HEATR3: variants seen among roughly 807,000 people sequenced by gnomAD.
The protein encoded by HEATR3 is HEAT repeat containing 3.
In HEATR3, 56 loss-of-function variants were observed where a neutral mutation model predicts 72.8. The observed-to-expected ratio is 0.77, with a 90% CI of 0.62 to 0.96. The LOEUF (loss-of-function observed/expected upper bound fraction) is 0.96. HEATR3 is among the 40% of genes least tolerant of loss of function. The pLI is 0.00. For synonymous variants in HEATR3, 331 were observed against 318.1 expected (o/e 1.04, Z -0.43); for missense variants, 747 against 831.4 (o/e 0.90, Z 1.25).
At position 50,094,784 on chromosome 16, in the gene HEATR3, C is replaced by T. The variant is rs147673566; in HGVS notation, c.1590C>T (p.Asn530=). The T allele has an allele frequency of 8.4e-5, 133 of 1,591,692 alleles. 1 individual carries two copies. The African/African-American group carries it at 1.7e-3, about 20-fold the overall frequency. Residue 530 remains asparagine, a synonymous_variant, in exon 12 of 15, where the codon AAC becomes AAT. Coordinates refer to ENST00000299192, the MANE Select transcript of HEATR3 (RefSeq NM_182922.4). ...RALLQTMASK[N]ISQCMTPDQL... ...TTTTGCAAACAATGGCCTCCAAGAA[C>T]ATTTCCCAGGTAAGAGTTTTAAAAT...
At chr16:50,072,828 A>G in intron 5 of HEATR3, 114 bp downstream of exon 5, 1 of 700,646 alleles carries the variant, frequency 1.4e-6, no homozygotes, top group South Asian at 1.6e-5. Context: ...GTTGTATGTG[A>G]ATGTGTAGCT....
intron 4 of HEATR3, among the ~76,000 whole-genome samples, chr16:50,070,595 G>C (rs761611875): frequency 8.6e-5 from 13 of 152,038 alleles, no homozygotes; most frequent in Non-Finnish European, 1.8e-4. Context: ...CCAGCTACTC[G>C]GGAGGCTGAG....
chr16:50,080,033 G>A (rs954489824), intron 7 of HEATR3: 2 of 152,692 alleles, frequency 1.3e-5, no homozygotes, highest in African/African-American at 4.8e-5. Flanking sequence ...AAGCAGGTTA[G>A]TGTTTGGAGA....
At position 50,106,528 on chromosome 16, in the gene HEATR3, G is replaced by A. The variant is rs184597084; in HGVS notation, c.*1467G>A. The A allele has an allele frequency of 1.2e-4, 19 of 152,216 alleles. No homozygotes were observed. The East Asian group carries it at 2.5e-3, about 20-fold the overall frequency. The allele number at this position is 152,216 out of a possible 1,614,324, so 9.4% of individuals were successfully genotyped here. A position where few individuals can be genotyped will look rare whatever the true frequency, so the allele number is the denominator to read the frequency against. ...TGAGACATTAAAAAAATGACAGCAC[G>A]ACTTTGCAGCATTACCTCTCAGTGT... On this transcript the variant is annotated 3_prime_UTR_variant, in exon 15 of 15. Coordinates refer to ENST00000299192, the MANE Select transcript of HEATR3 (RefSeq NM_182922.4).
chr16:50,086,114 A>G, intron 10 of HEATR3, 101 bp from the exon 11 acceptor site: 1 of 1,089,998 alleles, frequency 9.2e-7, no homozygotes, highest in East Asian at 2.6e-5. Context: ...GTATTTACAG[A>G]TATTTCCAGT....
At chr16:50,093,735 G>A (rs569457856) in intron 11 of HEATR3, among the ~76,000 whole-genome samples, 19 of 152,294 alleles carry the variant, frequency 1.2e-4, no homozygotes, top group South Asian at 4.2e-4. Flanking sequence ...GGGTTGTCAG[G>A]AAGAACACCC....
chr16:50,099,357 C>T (rs1467461954), intron 12 of HEATR3, among the ~76,000 whole-genome samples: 1 of 152,176 alleles, frequency 6.6e-6, no homozygotes, highest in African/African-American at 2.4e-5. Flanking sequence ...ATAATCCTAA[C>T]ACTTTGGGAG....
chr16:50,084,533 C>G, intron 9 of HEATR3, 36 bp from the exon 10 acceptor site: 1 of 1,435,034 alleles, frequency 7.0e-7, no homozygotes. Flanking sequence ...AATGACTACT[C>G]TTTAACCTTT....
intron 11 of HEATR3, among the ~76,000 whole-genome samples, chr16:50,091,873 CA>C (rs1157532465): frequency 0.065 from 4,055 of 62,492 alleles, 53 homozygotes; most frequent in Middle Eastern, 0.085. Context: ...GACTCTGTCT[CA>C]AAAAAAAAAA....
chr16:50,105,984 A>G lies in HEATR3; in HGVS notation c.*923A>G, dbSNP rs1172122993. On this transcript the variant is annotated 3_prime_UTR_variant, in exon 15 of 15. Transcript: ENST00000299192. ...CAAAGAGTGGAAGAGTGGAAGTGCGAAGGAATCTCAGGTAGCTCTTAACTA... is the reference window on the plus strand; with the variant it reads ...CAAAGAGTGGAAGAGTGGAAGTGCGGAGGAATCTCAGGTAGCTCTTAACTA... 1 of 152,200 alleles carries G rather than the reference A, an allele frequency of 6.6e-6. No individual in the cohort carries two copies. Among genetic ancestry groups the G allele is most frequent in the Non-Finnish European group, 1.5e-5 (1 of 68,032 alleles). The allele number at this position is 152,200 out of a possible 1,614,324, so 9.4% of individuals were successfully genotyped here.
chr16:50,083,809 T>C (rs2036923588), intron 7 of HEATR3, 128 bp from the exon 8 acceptor site: 1 of 704,864 alleles, frequency 1.4e-6, no homozygotes, highest in African/African-American at 1.8e-5. Flanking sequence ...TTCTTTTACC[T>C]ACCCCATTCC....
chr16:50,097,788 G>A (rs371451307), intron 12 of HEATR3, among the ~76,000 whole-genome samples: 32 of 152,134 alleles, frequency 2.1e-4, no homozygotes, highest in African/African-American at 7.0e-4. Flanking sequence ...GGTGGCACGC[G>A]CCTGTAATCC....
rs753575713 is a variant in HEATR3, at chr16:50,066,090, G to A, written c.-42G>A. Reference sequence around the variant, plus strand: ...GCGGCAGCCTCCACCGCCTGCTGTTGCCCTCCTCTCTCGGTGGTCTGTCCG... The same window carrying A: ...GCGGCAGCCTCCACCGCCTGCTGTTACCCTCCTCTCTCGGTGGTCTGTCCG... On this transcript the variant is annotated 5_prime_UTR_variant, in exon 1 of 15. Coordinates refer to ENST00000299192, the MANE Select transcript of HEATR3 (RefSeq NM_182922.4). 4 of 1,554,398 alleles carry A rather than the reference G, an allele frequency of 2.6e-6. No individual in the cohort carries two copies. The highest frequency in any genetic ancestry group is 2.4e-5 in the East Asian group (1 of 42,082).
At chr16:50,071,657 A>G (rs145887002) in intron 4 of HEATR3, among the ~76,000 whole-genome samples, 36 of 152,292 alleles carry the variant, frequency 2.4e-4, no homozygotes, top group African/African-American at 8.2e-4. Context: ...TCCTGACTAG[A>G]CTGTGGGCTC....
At position 50,105,367 on chromosome 16, in the gene HEATR3, G is replaced by A; in HGVS notation, c.*306G>A. On this transcript the variant is annotated 3_prime_UTR_variant, in exon 15 of 15. Transcript: ENST00000299192. Reference sequence around the variant, plus strand: ...ATCCCAGCTACTCGGGAGGCTGAGGGAGGAGAGTCGGTTGAACCTGGGAGA... The same window carrying A: ...ATCCCAGCTACTCGGGAGGCTGAGGAAGGAGAGTCGGTTGAACCTGGGAGA... The A allele has an allele frequency of 3.4e-6, 1 of 293,514 alleles. No homozygotes were observed. The highest frequency in any genetic ancestry group is 6.4e-6 in the Non-Finnish European group (1 of 155,500). The allele number at this position is 293,514 out of a possible 1,614,324, so 18.2% of individuals were successfully genotyped here. A position where few individuals can be genotyped will look rare whatever the true frequency, so the allele number is the denominator to read the frequency against.
At position 50,078,728 on chromosome 16, in the gene HEATR3, G is replaced by A. The variant is rs1003231934; in HGVS notation, c.764-13G>A. The A allele has an allele frequency of 2.5e-6, 4 of 1,601,920 alleles. No homozygotes were observed. The highest frequency in any genetic ancestry group is 3.4e-6 in the Non-Finnish European group (4 of 1,174,780). On this transcript the variant is annotated splice_polypyrimidine_tract_variant and intron_variant, in intron 6 of 14. Transcript: ENST00000299192. ...ACAGGCATTTCTTATCCTTATGCTT[G>A]TTTTTTTCCCAGGCACAATTTGGAA...
intron 2 of HEATR3, among the ~76,000 whole-genome samples, chr16:50,067,543 CA>C (rs1286706854): frequency 9.2e-5 from 14 of 152,048 alleles, no homozygotes; most frequent in Admixed American, 7.9e-4. Context: ...CTGAGAAGAG[CA>C]GGGGTGGGTA....
intron 11 of HEATR3, among the ~76,000 whole-genome samples, chr16:50,087,971 A>C (rs749875129): frequency 6.6e-6 from 1 of 152,146 alleles, no homozygotes; most frequent in Non-Finnish European, 1.5e-5. Flanking sequence ...TACTAAAAAT[A>C]CAAAAATTAG....
At chr16:50,092,901 A>G (rs935312043) in intron 11 of HEATR3, among the ~76,000 whole-genome samples, 1 of 152,180 alleles carries the variant, frequency 6.6e-6, no homozygotes, top group African/African-American at 2.4e-5. Context: ...GCTATGAAGA[A>G]AAAAGTAAAA....
Sources: gnomAD v4.1 joint callset for allele counts (sites outside exome capture counted in the v4.1 genomes callset) on GRCh38, gnomAD v4.1.1 for gene constraint, MANE v1.5 for transcripts, NCBI Gene and HGNC (gene_info 2026-07-23, HGNC 2026-07-21) for gene names.